HLA-DPB1: variants seen among roughly 807,000 people sequenced by gnomAD.
HLA-DPB1 encodes HLA class II histocompatibility antigen, DP beta 1 chain.
In HLA-DPB1, 30 loss-of-function variants were observed where a neutral mutation model predicts 29.4. The ratio of observed to expected loss-of-function variants is 1.02; its 90% CI spans 0.76 to 1.38. The LOEUF (loss-of-function observed/expected upper bound fraction) is 1.38. Among genes scored for constraint, HLA-DPB1 ranks in the 40% most tolerant of loss-of-function variants. The pLI is 0.00. For synonymous variants in HLA-DPB1, 114 were observed against 134.0 expected (o/e 0.85, Z 1.03); for missense variants, 261 against 327.5 (o/e 0.80, Z 1.57).
rs1387881140 is a variant in HLA-DPB1, at chr6:33,086,513, G to C, written c.*5-26G>C. 3 of 672,614 alleles carry C rather than the reference G, an allele frequency of 4.5e-6. No homozygotes were observed. In the East Asian group the frequency reaches 9.9e-5, roughly 22 times the overall value. The allele number at this position is 672,614 out of a possible 1,614,324, so 41.7% of individuals were successfully genotyped here. On this transcript the variant is annotated intron_variant, in intron 5 of 5. Transcript: ENST00000418931. ...TTACAGGAAGGAGGCTGGCAACCTG[G>C]GATAACTTGTCTTTTACCCCCACAG...
At position 33,085,093 on chromosome 6, in the gene HLA-DPB1, G is replaced by T; in HGVS notation, c.508G>T (p.Val170Leu). The T allele has an allele frequency of 1.2e-6, 2 of 1,613,864 alleles. No individual in the cohort carries two copies. Among genetic ancestry groups the T allele is most frequent in the Non-Finnish European group, 1.7e-6 (2 of 1,180,008 alleles). ...TGGACAGGAGGAAACAGCTGGGGTC[G>T]TGTCCACCAACCTGATCCGTAATGG... is the stretch of plus-strand genomic sequence containing the variant. ...LNGQEETAGV[V>L]STNLIRNGDW... Residue 170 changes from valine (V) to leucine (L), a missense_variant, in exon 3 of 6, where the codon GTG becomes TTG. Transcript: ENST00000418931.
Position 33,084,849 on chromosome 6 carries a change from A to AAAAGG in HLA-DPB1, c.365-99_365-98insAGGAA, listed in dbSNP as rs1554186627. 2.3e-4 allele frequency: 150 copies of AAAAGG among 663,374 alleles called. 5 individuals are homozygous for AAAAGG. Among genetic ancestry groups the AAAAGG allele is most frequent in the Admixed American group, 7.6e-4 (25 of 32,968 alleles). The allele number at this position is 663,374 out of a possible 1,614,324, so 41.1% of individuals were successfully genotyped here. A position where few individuals can be genotyped will look rare whatever the true frequency, so the allele number is the denominator to read the frequency against. ...AAAGAGCGAGATTATGTCTCAAAAA[A>AAAAGG]AAGGAAGGAAGGAAGGAAGGAAGGA... On this transcript the variant is annotated intron_variant, in intron 2 of 5. Coordinates refer to ENST00000418931, the MANE Select transcript of HLA-DPB1 (RefSeq NM_002121.6).
chr6:33,079,740 G>T, intron 1 of HLA-DPB1: 1 of 504,828 alleles, frequency 2.0e-6, no homozygotes, highest in South Asian at 1.4e-5. Context: ...AAATCTTACT[G>T]TGCTGAGATC....
chr6:33,076,971 C>T lies in HLA-DPB1; in HGVS notation c.100+830C>T, dbSNP rs367922402. On this transcript the variant is annotated intron_variant, in intron 1 of 5. Transcript: ENST00000418931. ...TTCTAGGGTACATGTGCACAACGTG[C>T]AGGTTTGTTACATATGTATACATGT... Among the ~76,000 whole-genome samples, 211 of 151,946 alleles carry T rather than the reference C, an allele frequency of 1.4e-3. 2 individuals carry two copies. The East Asian group carries it at 0.026, about 18-fold the overall frequency.
intron 4 of HLA-DPB1, 24 bp from the exon 5 acceptor site, chr6:33,086,195 A>G (rs985696836): frequency 1.9e-6 from 3 of 1,555,650 alleles, no homozygotes; most frequent in Non-Finnish European, 2.7e-6. Context: ...GGCTGATTAT[A>G]TAACCTTTCG....
At chr6:33,078,612 A>G (rs775971142) in intron 1 of HLA-DPB1, among the ~76,000 whole-genome samples, 59 of 142,410 alleles carry the variant, frequency 4.1e-4, no homozygotes, top group Admixed American at 2.1e-3. Flanking sequence ...AAACAGGATA[A>G]AGTTTCTTAT....
chr6:33,086,501 G>T (rs938818013), intron 5 of HLA-DPB1, 38 bp from the exon 6 acceptor site: 1 of 683,114 alleles, frequency 1.5e-6, no homozygotes, highest in Non-Finnish European at 2.7e-6. Flanking sequence ...CAGGAAGGAG[G>T]CTGGCAACCT....
Position 33,085,115 on chromosome 6 carries a change from A to G in HLA-DPB1, c.530A>G (p.Asn177Ser). ...GTCGTGTCCACCAACCTGATCCGTAATGGAGACTGGACCTTCCAGATCCTG... is the reference window on the plus strand; with the variant it reads ...GTCGTGTCCACCAACCTGATCCGTAGTGGAGACTGGACCTTCCAGATCCTG... ...AGVVSTNLIR[N>S]GDWTFQILVM... is the part of the protein sequence containing the mutation. Residue 177 changes from asparagine (N) to serine (S), a missense_variant, in exon 3 of 6, where the codon AAT becomes AGT. Physicochemically the swap from Asn to Ser is conservative, Grantham distance 46. Coordinates refer to ENST00000418931, the MANE Select transcript of HLA-DPB1 (RefSeq NM_002121.6). The G allele has an allele frequency of 6.2e-7, 1 of 1,613,982 alleles. No individual in the cohort carries two copies. The highest frequency in any genetic ancestry group is 8.5e-7 in the Non-Finnish European group (1 of 1,180,006).
intron 1 of HLA-DPB1, among the ~76,000 whole-genome samples, chr6:33,078,949 T>C (rs2021408): frequency 0.15 from 23,051 of 152,090 alleles, 1,841 homozygotes; most frequent in South Asian, 0.22. Context: ...GCTGGGGGGC[T>C]CTGGGCCTGG....
rs41555415 is a variant in HLA-DPB1 at position 33,080,763 on chromosome 6, C to T, written c.192C>T (p.Phe64=). Residue 64 remains phenylalanine, a synonymous_variant, in exon 2 of 6, where the codon TTC becomes TTT. Coordinates refer to ENST00000418931, the MANE Select transcript of HLA-DPB1 (RefSeq NM_002121.6). The surrounding 1 kb of genome is among the most constrained non-coding windows in gnomAD (Gnocchi z 4.3). ...LERYIYNREE[F]ARFDSDVGEF... ...GATACATCTACAACCGGGAGGAGTT[C>T]GCGCGCTTCGACAGCGACGTGGGGG... 5.6e-6 allele frequency: 9 copies of T among 1,613,358 alleles called. No individual in the cohort carries two copies. The African/African-American group carries it at 6.7e-5, about 12-fold the overall frequency.
At chr6:33,085,325 C>T in intron 3 of HLA-DPB1, 94 bp downstream of exon 3, 1 of 1,128,800 alleles carries the variant, frequency 8.9e-7, no homozygotes, top group Non-Finnish European at 1.3e-6. Context: ...CATCTATACC[C>T]TGGGGCCATG....
In HLA-DPB1 at chr6:33,080,998, G is replaced by A; in HGVS notation, c.364+63G>A. ...CCCGCGGGCCCGTGCCCAGGGCGCA[G>A]GAGCAGCCGGGTTGGCCTAAGGGAC... On this transcript the variant is annotated intron_variant, in intron 2 of 5. Coordinates refer to ENST00000418931, the MANE Select transcript of HLA-DPB1 (RefSeq NM_002121.6). This position sits in a 1 kb window ranked among gnomAD's most constrained non-coding sequence, Gnocchi z 4.3. 6.8e-7 allele frequency: 1 copy of A among 1,479,684 alleles called. No homozygotes were observed. The highest frequency in any genetic ancestry group is 1.4e-5 in the South Asian group (1 of 73,460). The allele number at this position is 1,479,684 out of a possible 1,614,324, so 91.7% of individuals were successfully genotyped here. A position where few individuals can be genotyped will look rare whatever the true frequency, so the allele number is the denominator to read the frequency against.
chr6:33,083,451 G>A (rs1762961799), intron 2 of HLA-DPB1: 1 of 152,428 alleles, frequency 6.6e-6, no homozygotes, highest in African/African-American at 2.4e-5. Context: ...ACCCTTTTCT[G>A]TGTTTGTTTT....
Position 33,080,938 on chromosome 6 carries a change from G to A in HLA-DPB1, c.364+3G>A. 1 of 1,580,664 alleles carries A rather than the reference G, an allele frequency of 6.3e-7. No individual in the cohort carries two copies. The highest frequency in any genetic ancestry group is 8.6e-7 in the Non-Finnish European group (1 of 1,164,476). ...GCCCATGACCCTGCAGCGCCGAGGT[G>A]AGTGAGGGCTTTGGGCCGGCGGTCC... On this transcript the variant is annotated splice_donor_region_variant and intron_variant, in intron 2 of 5. Transcript: ENST00000418931. The surrounding 1 kb of genome is among the most constrained non-coding windows in gnomAD (Gnocchi z 4.3).
chr6:33,081,598 G>A (rs1422777291), intron 2 of HLA-DPB1, among the ~76,000 whole-genome samples: 2 of 152,122 alleles, frequency 1.3e-5, no homozygotes, highest in African/African-American at 4.8e-5. Context: ...CCAGTGACTT[G>A]GGAAGGTCAG....
intron 1 of HLA-DPB1, among the ~76,000 whole-genome samples, chr6:33,078,103 A>T (rs1762642003): frequency 6.6e-6 from 1 of 152,034 alleles, no homozygotes; most frequent in African/African-American, 2.4e-5. Context: ...GATGAGGGAC[A>T]GTGTTGGGAG....
In HLA-DPB1 at chr6:33,085,844, A is replaced by C; in HGVS notation, c.712A>C (p.Ile238Leu). 2 of 1,614,062 alleles carry C rather than the reference A, an allele frequency of 1.2e-6. No homozygotes were observed. The highest frequency in any genetic ancestry group is 1.7e-6 in the Non-Finnish European group (2 of 1,179,968). Residue 238 changes from isoleucine to leucine, a missense_variant, in exon 4 of 6, where the codon ATC (isoleucine) becomes CTC (leucine). Ile to Leu is a conservative substitution (Grantham distance 5). Coordinates refer to ENST00000418931, the MANE Select transcript of HLA-DPB1 (RefSeq NM_002121.6). ...AGCTGGGGGCTTCGTGCTGGGGCTCATCATCTGTGGAGTGGGCATCTTCAT... is the reference window on the plus strand; with the variant it reads ...AGCTGGGGGCTTCGTGCTGGGGCTCCTCATCTGTGGAGTGGGCATCTTCAT... Reference protein sequence around the residue: ...TGAGGFVLGLIICGVGIFMHR... With the variant: ...TGAGGFVLGLLICGVGIFMHR...
At chr6:33,078,208 G>A (rs1762652205) in intron 1 of HLA-DPB1, among the ~76,000 whole-genome samples, 2 of 152,160 alleles carry the variant, frequency 1.3e-5, no homozygotes, top group African/African-American at 4.8e-5. Context: ...CTGGGTTGAG[G>A]TTTGTAGGGG....
rs3091282 is a variant in HLA-DPB1 at position 33,089,421 on chromosome 6, G to C, written c.*2887G>C. On this transcript the variant is annotated 3_prime_UTR_variant, in exon 6 of 6. Coordinates refer to ENST00000418931, the MANE Select transcript of HLA-DPB1 (RefSeq NM_002121.6). Reference sequence around the variant, plus strand: ...ATGTTACACGTCCAAAGTAAGTCATGCAGGAAGCTCTGCTCATCATCGTAC... The same window carrying C: ...ATGTTACACGTCCAAAGTAAGTCATCCAGGAAGCTCTGCTCATCATCGTAC... 0.38 allele frequency among the ~76,000 whole-genome samples: 57,795 copies of C among 151,956 alleles called. 12,423 individuals carry two copies. The highest frequency in any genetic ancestry group is 0.64 in the East Asian group (3,300 of 5,160).
Sources: allele counts gnomAD v4.1 joint callset (sites outside exome capture counted in the v4.1 genomes callset), GRCh38; gene constraint gnomAD v4.1.1; non-coding constraint Gnocchi (gnomAD v3.1); transcripts MANE v1.5; gene names NCBI Gene and HGNC (gene_info 2026-07-23, HGNC 2026-07-21).